LRRC8A: variants seen among roughly 807,000 people sequenced by gnomAD.
LRRC8A encodes leucine rich repeat containing 8 VRAC subunit A.
Under a neutral mutation model 52.5 loss-of-function variants are expected in LRRC8A, and 24 were observed. That is an observed-to-expected ratio of 0.46 (90% CI 0.33 to 0.64). The LOEUF (loss-of-function observed/expected upper bound fraction) is 0.64. Among genes scored for constraint, LRRC8A ranks in the 30% least tolerant of loss-of-function variants. The probability of loss-of-function intolerance (pLI) is 0.02; values close to 1 mark genes in which losing one functional copy is unlikely to be tolerated. For missense variants in LRRC8A, 677 were observed against 1,094.7 expected, an observed-to-expected ratio of 0.62 and a Z score of 5.38; for synonymous variants, 492 against 494.2, an observed-to-expected ratio of 1.00 and a Z score of 0.06.
intron 1 of LRRC8A, 185 bp downstream of exon 1, chr9:128,882,435 C>T (rs1184224723): frequency 3.0e-5 from 10 of 333,138 alleles, no homozygotes; most frequent in Non-Finnish European, 4.9e-5. Context: ...CCGGAGTCTC[C>T]GGGGCACCAC....
In LRRC8A at chr9:128,916,018, G is replaced by A. The variant is rs1840798059; in HGVS notation, c.2158-78G>A. 8.0e-6 allele frequency: 12 copies of A among 1,493,422 alleles called. No individual in the cohort carries two copies. The highest frequency in any genetic ancestry group is 1.4e-5 in the African/African-American group (1 of 71,988). The allele number at this position is 1,493,422 out of a possible 1,614,324, so 92.5% of individuals were successfully genotyped here. A position where few individuals can be genotyped will look rare whatever the true frequency, so the allele number is the denominator to read the frequency against. On this transcript the variant is annotated intron_variant, in intron 3 of 3. Coordinates refer to ENST00000372600, the MANE Select transcript of LRRC8A (RefSeq NM_019594.4). The surrounding 1 kb of genome is among the most constrained non-coding windows in gnomAD (Gnocchi z 6.1). ...TCAGAAAAGATGCTGAGATCTTGGG[G>A]AGAGAGGGAAGGGAAGCCCAGAGGC...
At chr9:128,898,626 G>C (rs1264897062) in intron 2 of LRRC8A, among the ~76,000 whole-genome samples, 1 of 152,250 alleles carries the variant, frequency 6.6e-6, no homozygotes, top group African/African-American at 2.4e-5. Context: ...TGGATGTGTT[G>C]AATGTTTCAG....
At chr9:128,882,423 G>T (rs994970654) in intron 1 of LRRC8A, 173 bp downstream of exon 1, 1 of 313,310 alleles carries the variant, frequency 3.2e-6, no homozygotes, top group Non-Finnish European at 5.8e-6. Flanking sequence ...GCTCCCCAGT[G>T]CCCGGAGTCT....
chr9:128,913,266 C>A (rs372899391), intron 3 of LRRC8A, among the ~76,000 whole-genome samples: 1 of 152,122 alleles, frequency 6.6e-6, no homozygotes, highest in Admixed American at 6.5e-5. Context: ...GGCTTTCCTG[C>A]AGTTGGTCAG....
At chr9:128,912,116 G>A (rs1424615358) in intron 3 of LRRC8A, among the ~76,000 whole-genome samples, 1 of 152,182 alleles carries the variant, frequency 6.6e-6, no homozygotes, top group Non-Finnish European at 1.5e-5. Flanking sequence ...GTAGAGACAG[G>A]GTCTCACTGT....
At chr9:128,909,542 G>C (rs534825184) in intron 3 of LRRC8A, among the ~76,000 whole-genome samples, 1 of 152,342 alleles carries the variant, frequency 6.6e-6, no homozygotes, top group East Asian at 1.9e-4. Flanking sequence ...TCTGGGCCCC[G>C]GGCCTGTCTT....
chr9:128,890,844 G>A (rs1839588794), intron 2 of LRRC8A, among the ~76,000 whole-genome samples: 1 of 152,192 alleles, frequency 6.6e-6, no homozygotes, highest in South Asian at 2.1e-4. Context: ...GTGACTCCAT[G>A]TGCAAATATG....
intron 2 of LRRC8A, among the ~76,000 whole-genome samples, chr9:128,894,851 CAT>C (rs1416881260): frequency 6.0e-5 from 9 of 151,214 alleles, no homozygotes; most frequent in South Asian, 2.1e-4. Flanking sequence ...GTAAAATACA[CAT>C]GACATAAAAT....
At chr9:128,910,475 T>C (rs1021713704) in intron 3 of LRRC8A, among the ~76,000 whole-genome samples, 1 of 152,178 alleles carries the variant, frequency 6.6e-6, no homozygotes, top group African/African-American at 2.4e-5. Context: ...GGGCGGTCAC[T>C]TGAGCTCAGG....
At chr9:128,883,603 C>T (rs562117313) in intron 1 of LRRC8A, among the ~76,000 whole-genome samples, 1 of 152,314 alleles carries the variant, frequency 6.6e-6, no homozygotes, top group South Asian at 2.1e-4. Context: ...CTGGTCTCTG[C>T]TTCCTTGTTT....
rs1214734326 is a variant in LRRC8A at position 128,899,286 on chromosome 9, C to T, written c.-8-7871C>T. 6.6e-6 allele frequency among the ~76,000 whole-genome samples: 1 copy of T among 152,112 alleles called. No individual in the cohort carries two copies. ...AGGGAGGATAAGCAAGGGCACTTTC[C>T]GTAAGGCAGAGATAGCCCAGCCACC... On this transcript the variant is annotated intron_variant, in intron 2 of 3. Coordinates refer to ENST00000372600, the MANE Select transcript of LRRC8A (RefSeq NM_019594.4). The surrounding 1 kb of genome is among the most constrained non-coding windows in gnomAD (Gnocchi z 4.0).
At chr9:128,894,887 T>C (rs1839765681) in intron 2 of LRRC8A, among the ~76,000 whole-genome samples, 2 of 152,124 alleles carry the variant, frequency 1.3e-5, no homozygotes, top group Non-Finnish European at 2.9e-5. Flanking sequence ...CATTTGTAAG[T>C]GTACACTTCA....
At chr9:128,914,205 C>A (rs2131060975) in intron 3 of LRRC8A, among the ~76,000 whole-genome samples, 1 of 143,982 alleles carries the variant, frequency 6.9e-6, no homozygotes, top group South Asian at 2.2e-4. Flanking sequence ...CCGTCCCCCG[C>A]CCCCGCCCCC....
At chr9:128,905,487 G>A (rs2131009104) in intron 2 of LRRC8A, among the ~76,000 whole-genome samples, 2 of 152,294 alleles carry the variant, frequency 1.3e-5, no homozygotes, top group Middle Eastern at 3.4e-3. Context: ...TTCCTAATGT[G>A]GCTTCTCAGC....
rs545887141 is a variant in LRRC8A at position 128,915,735 on chromosome 9, T to C, written c.2158-361T>C. 3.9e-5 allele frequency among the ~76,000 whole-genome samples: 6 copies of C among 152,316 alleles called. No homozygotes were observed. The South Asian group carries it at 6.2e-4, about 16-fold the overall frequency. On this transcript the variant is annotated intron_variant, in intron 3 of 3. Transcript: ENST00000372600. ...GCCCTGGGATGGAGGTGGGAGCAGC[T>C]GGCCAATGCGATATACTTCCCAGGG...
rs1320951101 is a variant in LRRC8A, at chr9:128,892,027, A to G, written c.-9+5906A>G. ...TTACTGTATGGCAGGCACTAGTCCA[A>G]AAGCTTTATATGGACTGTCTCCTTC... On this transcript the variant is annotated intron_variant, in intron 2 of 3. Transcript: ENST00000372600. This position sits in a 1 kb window ranked among gnomAD's most constrained non-coding sequence, Gnocchi z 5.2. Among the ~76,000 whole-genome samples the G allele has an allele frequency of 6.6e-6, 1 of 152,200 alleles. No homozygotes were observed. The highest frequency in any genetic ancestry group is 1.5e-5 in the Non-Finnish European group (1 of 68,028).
chr9:128,908,052 C>G lies in LRRC8A; in HGVS notation c.888C>G (p.Thr296=). 1 of 1,614,052 alleles carries G rather than the reference C, an allele frequency of 6.2e-7. No homozygotes were observed. Among genetic ancestry groups the G allele is most frequent in the Non-Finnish European group, 8.5e-7 (1 of 1,180,016 alleles). The change falls in exon 3 of 4, where the codon ACC becomes ACG. Residue 296 remains threonine (T), a synonymous_variant. Transcript: ENST00000372600. ...VHNIKFDVDC[T]VDIESLTGYR... ...ACATCAAGTTCGACGTGGACTGCACCGTGGACATTGAGAGCCTGACGGGCT... is the reference window on the plus strand; with the variant it reads ...ACATCAAGTTCGACGTGGACTGCACGGTGGACATTGAGAGCCTGACGGGCT...
intron 2 of LRRC8A, among the ~76,000 whole-genome samples, chr9:128,888,776 C>T (rs1313665422): frequency 6.6e-6 from 1 of 152,044 alleles, no homozygotes; most frequent in Non-Finnish European, 1.5e-5. Context: ...ACTGTCCTGT[C>T]GCTTTCCCTC....
chr9:128,901,236 G>A (rs1241243974), intron 2 of LRRC8A, among the ~76,000 whole-genome samples: 2 of 152,126 alleles, frequency 1.3e-5, no homozygotes, highest in Non-Finnish European at 2.9e-5. Context: ...AGGCCAAGGC[G>A]GGTGGATCAT....
Sources: gnomAD v4.1 joint callset for allele counts (sites outside exome capture counted in the v4.1 genomes callset) on GRCh38, gnomAD v4.1.1 for gene constraint, Gnocchi (gnomAD v3.1) non-coding constraint, MANE v1.5 for transcripts, NCBI Gene and HGNC (gene_info 2026-07-23, HGNC 2026-07-21) for gene names.